The following SLAIN2 variants were observed in gnomAD, a reference collection of about 807,000 sequenced individuals.
SLAIN2 encodes the protein SLAIN family member 2, also known as SLAIN motif-containing protein 2.
In SLAIN2, 31 loss-of-function variants were observed where a neutral mutation model predicts 56.6. The ratio of observed to expected loss-of-function variants is 0.55; its 90% CI spans 0.41 to 0.74. The LOEUF (loss-of-function observed/expected upper bound fraction) is 0.74, where lower values mean the gene tolerates loss of function less well. SLAIN2 is among the 30% of genes least tolerant of loss of function. The probability of loss-of-function intolerance (pLI) is 0.00; values close to 1 mark genes in which losing one functional copy is unlikely to be tolerated. For synonymous variants in SLAIN2, 317 were observed against 284.9 expected, an observed-to-expected ratio of 1.11 and a Z score of -1.13; for missense variants, 777 against 754.2, an observed-to-expected ratio of 1.03 and a Z score of -0.35.
chr4:48,376,079 C>T (rs573713979), intron 2 of SLAIN2, among the ~76,000 whole-genome samples: 2 of 152,322 alleles, frequency 1.3e-5, no homozygotes, highest in African/African-American at 4.8e-5. Flanking sequence ...AGAGAGAGCA[C>T]CATATCCTGT....
At chr4:48,351,633 G>C (rs1267142736) in intron 1 of SLAIN2, among the ~76,000 whole-genome samples, 1 of 152,224 alleles carries the variant, frequency 6.6e-6, no homozygotes, top group East Asian at 1.9e-4. Flanking sequence ...AGTGAAAGAG[G>C]CTAACAACCT....
intron 6 of SLAIN2, among the ~76,000 whole-genome samples, chr4:48,404,942 C>T (rs1277132709): frequency 1.3e-5 from 2 of 152,172 alleles, no homozygotes; most frequent in Admixed American, 6.5e-5. Context: ...TTGAAATCCT[C>T]TCTAGTTTCC....
chr4:48,364,901 AG>A (rs1171493312), intron 1 of SLAIN2, among the ~76,000 whole-genome samples: 1 of 147,118 alleles, frequency 6.8e-6, no homozygotes, highest in African/African-American at 2.5e-5. Context: ...GGGGAGGGAG[AG>A]GGAGAGCTGG....
In SLAIN2 at chr4:48,411,241, C is replaced by G. The variant is rs541508294; in HGVS notation, c.1361-8884C>G. On this transcript the variant is annotated intron_variant, in intron 6 of 7. Coordinates refer to ENST00000264313, the MANE Select transcript of SLAIN2 (RefSeq NM_020846.2). Reference sequence around the variant, plus strand: ...TAGTCCTCAGCATCTATCTTTCTCACTACTTCCCTAGAGATGGTGGGAGAG... The same window carrying G: ...TAGTCCTCAGCATCTATCTTTCTCAGTACTTCCCTAGAGATGGTGGGAGAG... Among the ~76,000 whole-genome samples, 37 of 152,226 alleles carry G rather than the reference C, an allele frequency of 2.4e-4. 1 individual carries two copies. The highest frequency in any genetic ancestry group is 8.7e-4 in the African/African-American group (36 of 41,550).
intron 7 of SLAIN2, among the ~76,000 whole-genome samples, chr4:48,421,085 G>A (rs1176948508): frequency 2.0e-5 from 3 of 151,890 alleles, no homozygotes; most frequent in African/African-American, 7.3e-5. Context: ...GTGCAATCTT[G>A]GCTCACTGCA....
At chr4:48,385,645 T>C (rs973980445) in intron 6 of SLAIN2, among the ~76,000 whole-genome samples, 5 of 151,846 alleles carry the variant, frequency 3.3e-5, no homozygotes, top group Admixed American at 6.6e-5. Context: ...TTTCTTTTTT[T>C]TTTGATTGAG....
At chr4:48,398,699 A>T (rs1350593967) in intron 6 of SLAIN2, among the ~76,000 whole-genome samples, 2 of 152,156 alleles carry the variant, frequency 1.3e-5, no homozygotes, top group Non-Finnish European at 2.9e-5. Flanking sequence ...GTCTAGTTTC[A>T]ATTTTCTGCA....
At chr4:48,404,913 C>T (rs1013144077) in intron 6 of SLAIN2, among the ~76,000 whole-genome samples, 3 of 152,156 alleles carry the variant, frequency 2.0e-5, no homozygotes, top group African/African-American at 7.2e-5. Context: ...AATAGTATAA[C>T]TGCAGCTTAG....
intron 1 of SLAIN2, among the ~76,000 whole-genome samples, chr4:48,367,833 T>C (rs940634812): frequency 2.6e-5 from 4 of 152,076 alleles, no homozygotes; most frequent in African/African-American, 9.7e-5. Context: ...TGTTAGTGAA[T>C]TTAGTGTATT....
intron 6 of SLAIN2, among the ~76,000 whole-genome samples, chr4:48,408,717 A>T (rs1716769504): frequency 6.6e-6 from 1 of 152,164 alleles, no homozygotes; most frequent in South Asian, 2.1e-4. Context: ...AAAATAGTTA[A>T]CAGTAAGCTA....
chr4:48,364,695 G>A (rs1269373774), intron 1 of SLAIN2, among the ~76,000 whole-genome samples: 6 of 129,054 alleles, frequency 4.6e-5, no homozygotes, highest in Middle Eastern at 3.7e-3. Context: ...CCAACACAGC[G>A]AAACCCTGTC....
intron 1 of SLAIN2, among the ~76,000 whole-genome samples, chr4:48,354,751 A>C (rs1266652717): frequency 6.6e-6 from 1 of 152,188 alleles, no homozygotes; most frequent in Non-Finnish European, 1.5e-5. Flanking sequence ...GGCATGAACC[A>C]GTGTGCCCAG....
chr4:48,407,500 A>G (rs1560464547), intron 6 of SLAIN2, among the ~76,000 whole-genome samples: 1 of 151,966 alleles, frequency 6.6e-6, no homozygotes, highest in Non-Finnish European at 1.5e-5. Flanking sequence ...CCTTATTTAA[A>G]TTCTTTTTTT....
chr4:48,401,282 C>CT (rs1716547502), intron 6 of SLAIN2, among the ~76,000 whole-genome samples: 1 of 152,120 alleles, frequency 6.6e-6, no homozygotes, highest in Non-Finnish European at 1.5e-5. Flanking sequence ...TTGTAGACAT[C>CT]TATCAGGTCC....
intron 1 of SLAIN2, among the ~76,000 whole-genome samples, chr4:48,356,678 TAGTTATGGTTCAGCACTAGA>T (rs1476246315): frequency 1.3e-5 from 2 of 152,168 alleles, no homozygotes; most frequent in Non-Finnish European, 2.9e-5. Context: ...CCCAGGTGCA[TAGTTATGGTTCAGCACTAGA>T]AGTTTGTTTT....
chr4:48,369,768 TA>T, intron 1 of SLAIN2, 80 bp from the exon 2 acceptor site: 1 of 1,351,994 alleles, frequency 7.4e-7, no homozygotes, highest in Non-Finnish European at 1.0e-6. Flanking sequence ...CTCCCCTATT[TA>T]AATCGATCCA....
At position 48,405,000 on chromosome 4, in the gene SLAIN2, G is replaced by C. The variant is rs183915018; in HGVS notation, c.1361-15125G>C. ...GTTAAAGTATTTCTCTCCATATCTT[G>C]ATGTTGTAGGACTTTACTTGTTCTT... On this transcript the variant is annotated intron_variant, in intron 6 of 7. Transcript: ENST00000264313. 2.5e-3 allele frequency among the ~76,000 whole-genome samples: 379 copies of C among 152,236 alleles called. 3 individuals carry two copies. Among genetic ancestry groups the C allele is most frequent in the Middle Eastern group, 3.4e-3 (1 of 294 alleles).
intron 1 of SLAIN2, among the ~76,000 whole-genome samples, chr4:48,345,221 G>A (rs1560447615): frequency 6.6e-6 from 1 of 152,120 alleles, no homozygotes; most frequent in Non-Finnish European, 1.5e-5. Flanking sequence ...TCACATGAAT[G>A]GCCTCTTCAC....
At chr4:48,408,799 AG>A (rs1476646539) in intron 6 of SLAIN2, among the ~76,000 whole-genome samples, 5 of 152,096 alleles carry the variant, frequency 3.3e-5, no homozygotes, top group Non-Finnish European at 7.4e-5. Context: ...GGTTTGCAGT[AG>A]GGTGTACCCT....
Sources: gnomAD v4.1 joint callset for allele counts (sites outside exome capture counted in the v4.1 genomes callset) on GRCh38, gnomAD v4.1.1 for gene constraint, MANE v1.5 for transcripts, NCBI Gene and HGNC (gene_info 2026-07-23, HGNC 2026-07-21) for gene names.